CEP112: variants seen among roughly 807,000 people sequenced by gnomAD.
The protein encoded by CEP112 is centrosomal protein of 112 kDa.
In CEP112, 127 loss-of-function variants were observed where a neutral mutation model predicts 153.0. The ratio of observed to expected loss-of-function variants is 0.83; its 90% CI spans 0.72 to 0.96. CEP112 has a LOEUF of 0.96. Ranked by LOEUF, CEP112 falls within the 40% of genes least tolerant of loss-of-function variation. The probability of loss-of-function intolerance (pLI) is 0.00; values close to 1 mark genes in which losing one functional copy is unlikely to be tolerated. For missense variants in CEP112, 1,089 were observed against 1,101.2 expected, an observed-to-expected ratio of 0.99 and a Z score of 0.16; for synonymous variants, 358 against 374.4, an observed-to-expected ratio of 0.96 and a Z score of 0.51.
chr17:65,660,170 TTGATTTC>T (rs201055702), intron 24 of CEP112, among the ~76,000 whole-genome samples: 2 of 150,316 alleles, frequency 1.3e-5, no homozygotes, highest in African/African-American at 5.0e-5. Context: ...CTAATATACC[TTGATTTC>T]TCCTTCCTTC....
At chr17:65,793,463 T>C (rs796140614) in intron 21 of CEP112, among the ~76,000 whole-genome samples, 8 of 152,220 alleles carry the variant, frequency 5.3e-5, no homozygotes, top group African/African-American at 1.9e-4. Flanking sequence ...GTAACAAACC[T>C]ACACATCCTG....
chr17:65,831,589 TCAC>T (rs1415903946), intron 21 of CEP112, among the ~76,000 whole-genome samples: 1 of 144,336 alleles, frequency 6.9e-6, no homozygotes, highest in Non-Finnish European at 1.5e-5. Flanking sequence ...TTTCAGAAAA[TCAC>T]AAGCAAACAT....
intron 20 of CEP112, among the ~76,000 whole-genome samples, chr17:65,890,688 G>A (rs928436570): frequency 6.6e-6 from 1 of 152,110 alleles, no homozygotes; most frequent in Non-Finnish European, 1.5e-5. Flanking sequence ...ACAGGCAGGT[G>A]TACAGTCAAT....
chr17:65,723,474 T>C (rs1474154268), intron 23 of CEP112, among the ~76,000 whole-genome samples: 1 of 152,240 alleles, frequency 6.6e-6, no homozygotes, highest in Non-Finnish European at 1.5e-5. Context: ...TTGTAAGCGT[T>C]GTACAGGAAG....
rs186006220 is a variant in CEP112 at position 65,745,676 on chromosome 17, G to A, written c.2458-2459C>T. ...GGCAAGGCAGAGAATGACAGAGAGA[G>A]GGTGCGTGTGTGTGTGTTTAGTTCT... On this transcript the variant is annotated intron_variant, in intron 22 of 26. Transcript: ENST00000535342. 4.5e-4 allele frequency among the ~76,000 whole-genome samples: 68 copies of A among 152,276 alleles called. 1 individual carries two copies. The highest frequency in any genetic ancestry group is 6.8e-3 in the Middle Eastern group (2 of 294).
chr17:65,826,020 C>T (rs1438639377), intron 21 of CEP112: 2 of 960,924 alleles, frequency 2.1e-6, no homozygotes, highest in East Asian at 2.4e-5. Context: ...ATCATCCCTG[C>T]CCTATCAAAA....
At chr17:65,991,695 T>C (rs1568348218) in intron 17 of CEP112, among the ~76,000 whole-genome samples, 1 of 152,156 alleles carries the variant, frequency 6.6e-6, no homozygotes, top group Non-Finnish European at 1.5e-5. Context: ...GTGTTTACTA[T>C]TCAAGTTTGC....
intron 20 of CEP112, among the ~76,000 whole-genome samples, chr17:65,898,406 T>C (rs1396278285): frequency 6.6e-6 from 1 of 152,092 alleles, no homozygotes; most frequent in African/African-American, 2.4e-5. Context: ...TGAGATACAA[T>C]TTTTAAAATT....
intron 12 of CEP112, among the ~76,000 whole-genome samples, chr17:66,051,122 AG>A (rs2066421191): frequency 6.9e-6 from 1 of 144,702 alleles, no homozygotes; most frequent in East Asian, 2.0e-4. Flanking sequence ...TGGGACTACA[AG>A]CACACCCCCC....
chr17:65,964,188 T>C (rs960080854), intron 17 of CEP112, among the ~76,000 whole-genome samples: 7 of 152,374 alleles, frequency 4.6e-5, no homozygotes, highest in Admixed American at 4.6e-4. Context: ...GTTTCTTACA[T>C]GTTGTTAAAG....
At chr17:65,875,513 T>A (rs1411674850) in intron 20 of CEP112, among the ~76,000 whole-genome samples, 1 of 152,150 alleles carries the variant, frequency 6.6e-6, no homozygotes, top group East Asian at 1.9e-4. Flanking sequence ...TAAATTAATT[T>A]ATTCACAATC....
chr17:65,912,830 G>A (rs1350082514), intron 19 of CEP112, among the ~76,000 whole-genome samples: 1 of 152,068 alleles, frequency 6.6e-6, no homozygotes, highest in Non-Finnish European at 1.5e-5. Flanking sequence ...GGGCTTGCCA[G>A]GTAACACTTT....
chr17:66,025,920 T>C (rs377078561), intron 16 of CEP112, among the ~76,000 whole-genome samples: 20 of 124,588 alleles, frequency 1.6e-4, no homozygotes, highest in South Asian at 8.3e-4. Context: ...AAATGTGGCA[T>C]ACACACACAC....
intron 17 of CEP112, among the ~76,000 whole-genome samples, chr17:65,993,294 G>C (rs7218255): frequency 0.59 from 89,050 of 152,114 alleles, 27,459 homozygotes; most frequent in African/African-American, 0.72. Flanking sequence ...TAGCTGCATA[G>C]TATTCCATGG....
intron 23 of CEP112, among the ~76,000 whole-genome samples, chr17:65,697,632 A>T (rs1178624048): frequency 6.6e-6 from 1 of 152,156 alleles, no homozygotes; most frequent in East Asian, 1.9e-4. Flanking sequence ...GGCTACCGAA[A>T]GTGACACAGT....
chr17:66,180,911 A>C (rs2072692734), intron 2 of CEP112, among the ~76,000 whole-genome samples: 1 of 152,200 alleles, frequency 6.6e-6, no homozygotes, highest in African/African-American at 2.4e-5. Context: ...TTGGAAACTT[A>C]TGCCTTTAAA....
At chr17:66,072,453 C>A (rs1344747079) in intron 8 of CEP112, among the ~76,000 whole-genome samples, 1 of 152,148 alleles carries the variant, frequency 6.6e-6, no homozygotes, top group African/African-American at 2.4e-5. Flanking sequence ...TAATCTGGAA[C>A]AGCCTTTCTT....
intron 21 of CEP112, among the ~76,000 whole-genome samples, chr17:65,772,401 A>G (rs2053411671): frequency 6.6e-6 from 1 of 152,208 alleles, no homozygotes; most frequent in Non-Finnish European, 1.5e-5. Context: ...TATCAGAAAT[A>G]GAGACAGGGG....
intron 20 of CEP112, among the ~76,000 whole-genome samples, chr17:65,895,826 C>A (rs1329243646): frequency 1.3e-5 from 2 of 152,090 alleles, no homozygotes; most frequent in Admixed American, 6.6e-5. Context: ...TAGATACTTA[C>A]ACACCTGATA....
Sources: gnomAD v4.1 joint callset for allele counts (sites outside exome capture counted in the v4.1 genomes callset) on GRCh38, gnomAD v4.1.1 for gene constraint, MANE v1.5 for transcripts, NCBI Gene and HGNC (gene_info 2026-07-23, HGNC 2026-07-21) for gene names.